Variants in CXXC4 observed in about 807,000 individuals in gnomAD.
CXXC4 encodes CXXC-type zinc finger protein 4.
CXXC4 carries 5 observed loss-of-function variants against 20.5 expected under a neutral mutation model. The observed-to-expected ratio is 0.24, with a 90% CI of 0.13 to 0.51. The LOEUF (loss-of-function observed/expected upper bound fraction) is 0.51. Among genes scored for constraint, CXXC4 ranks in the 20% least tolerant of loss-of-function variants. The pLI, the probability that CXXC4 is intolerant of heterozygous loss-of-function variation, is 0.97. For missense variants in CXXC4, 419 were observed against 496.4 expected, an observed-to-expected ratio of 0.84 and a Z score of 1.48; for synonymous variants, 250 against 216.4, an observed-to-expected ratio of 1.16 and a Z score of -1.36.
chr4:104,481,858 G>A (rs907941090), intron 2 of CXXC4, among the ~76,000 whole-genome samples: 9 of 152,080 alleles, frequency 5.9e-5, no homozygotes, highest in African/African-American at 1.9e-4. Context: ...GACCTGCCTG[G>A]AATAAGTAAA....
At chr4:104,483,740 A>G (rs1042097898) in intron 2 of CXXC4, among the ~76,000 whole-genome samples, 3 of 151,752 alleles carry the variant, frequency 2.0e-5, no homozygotes, top group South Asian at 2.1e-4. Context: ...TGTGTCTTGG[A>G]AAAAAAAGTC....
At chr4:104,481,065 G>C (rs1019832411) in intron 2 of CXXC4, among the ~76,000 whole-genome samples, 2 of 152,144 alleles carry the variant, frequency 1.3e-5, no homozygotes, top group African/African-American at 4.8e-5. Flanking sequence ...TAGCAAGGCA[G>C]AGATCATATT....
chr4:104,486,476 A>G (rs2110277083), intron 2 of CXXC4, among the ~76,000 whole-genome samples: 1 of 152,100 alleles, frequency 6.6e-6, no homozygotes, highest in South Asian at 2.1e-4. Flanking sequence ...CATTATTTAT[A>G]TGTTACATTC....
Position 104,469,698 on chromosome 4 carries a change from T to G in CXXC4, c.*2624A>C, listed in dbSNP as rs910465779. On this transcript the variant is annotated 3_prime_UTR_variant, in exon 3 of 3. Coordinates refer to ENST00000394767, the MANE Select transcript of CXXC4 (RefSeq NM_025212.4). The stretch of plus-strand genomic sequence containing the variant: ...CAACATCACCAATGAGAACTTTATA[T>G]GCATCCTACATTATATAAATGGAGT... 1 of 152,046 alleles carries G rather than the reference T, an allele frequency of 6.6e-6. No homozygotes were observed. Among genetic ancestry groups the G allele is most frequent in the Non-Finnish European group, 1.5e-5 (1 of 67,966 alleles). 9.4% of individuals were successfully genotyped at this position (152,046 alleles called of 1,614,324 possible).
intron 1 of CXXC4, among the ~76,000 whole-genome samples, chr4:104,493,395 C>G (rs961556326): frequency 1.3e-5 from 2 of 151,964 alleles, no homozygotes; most frequent in Non-Finnish European, 2.9e-5. Flanking sequence ...CATGGGGGCC[C>G]AATAGTCTCC....
intron 2 of CXXC4, among the ~76,000 whole-genome samples, chr4:104,480,784 C>T (rs181556997): frequency 6.6e-6 from 1 of 152,062 alleles, no homozygotes; most frequent in East Asian, 1.9e-4. Flanking sequence ...TTCTGATTTC[C>T]CTTAAACAGT....
intron 2 of CXXC4, among the ~76,000 whole-genome samples, chr4:104,483,552 A>G (rs567816969): frequency 6.6e-6 from 1 of 152,090 alleles, no homozygotes; most frequent in East Asian, 1.9e-4. Flanking sequence ...TTAGGTAAAA[A>G]TGCATATCTA....
chr4:104,493,764 G>A (rs1736968826), intron 1 of CXXC4, among the ~76,000 whole-genome samples: 1 of 152,188 alleles, frequency 6.6e-6, no homozygotes, highest in Admixed American at 6.5e-5. Flanking sequence ...TTGATGCTTG[G>A]AAGGGGTGAG....
At chr4:104,482,672 T>C (rs1042688730) in intron 2 of CXXC4, among the ~76,000 whole-genome samples, 2 of 152,144 alleles carry the variant, frequency 1.3e-5, no homozygotes, top group Non-Finnish European at 2.9e-5. Context: ...TAAATTTATA[T>C]GGTCTTCTGT....
rs942870012 is a variant in CXXC4, at chr4:104,471,525, C to G, written c.*797G>C. On this transcript the variant is annotated 3_prime_UTR_variant, in exon 3 of 3. Transcript: ENST00000394767. ...TACAGTGCAACCCAAGACAAGTCAA[C>G]TACACTAAGTATTTGGGAGGTATAC... The G allele has an allele frequency of 6.6e-6, 1 of 152,054 alleles. No homozygotes were observed. Among genetic ancestry groups the G allele is most frequent in the African/African-American group, 2.4e-5 (1 of 41,436 alleles). 9.4% of individuals were successfully genotyped at this position (152,054 alleles called of 1,614,324 possible).
At chr4:104,481,628 C>A (rs962664688) in intron 2 of CXXC4, among the ~76,000 whole-genome samples, 1 of 151,822 alleles carries the variant, frequency 6.6e-6, no homozygotes, top group African/African-American at 2.4e-5. Context: ...GTAAAAAGAG[C>A]AGGAATAAAG....
At chr4:104,486,896 C>A (rs554440159) in intron 2 of CXXC4, among the ~76,000 whole-genome samples, 1 of 152,272 alleles carries the variant, frequency 6.6e-6, no homozygotes, top group East Asian at 1.9e-4. Context: ...CAGAGTTTTA[C>A]AATTGCCATT....
chr4:104,485,273 T>C (rs1212451896), intron 2 of CXXC4, among the ~76,000 whole-genome samples: 1 of 152,066 alleles, frequency 6.6e-6, no homozygotes, highest in Non-Finnish European at 1.5e-5. Context: ...AGAGAAACTA[T>C]AAAAGAATTA....
chr4:104,480,843 A>C (rs1736539181), intron 2 of CXXC4, among the ~76,000 whole-genome samples: 1 of 149,164 alleles, frequency 6.7e-6, no homozygotes, highest in Non-Finnish European at 1.5e-5. Context: ...CCTTGCCTTT[A>C]TCTTCCCTCC....
chr4:104,492,012 G>A lies in CXXC4; in HGVS notation c.-210C>T, dbSNP rs1224301052. The A allele has an allele frequency of 2.5e-6, 1 of 394,160 alleles. No homozygotes were observed. Among genetic ancestry groups the A allele is most frequent in the East Asian group, 3.8e-5 (1 of 26,656 alleles). The allele number at this position is 394,160 out of a possible 1,614,324, so 24.4% of individuals were successfully genotyped here. A position where few individuals can be genotyped will look rare whatever the true frequency, so the allele number is the denominator to read the frequency against. ...TCTGGGGCTCATTTCCACAGACGGT[G>A]AATTCCCAGGCAGCGTCTTCCTTTG... is the stretch of plus-strand genomic sequence containing the variant. On this transcript the variant is annotated 5_prime_UTR_variant, in exon 2 of 3. Coordinates refer to ENST00000394767, the MANE Select transcript of CXXC4 (RefSeq NM_025212.4).
In CXXC4 at chr4:104,491,818, G is replaced by A. The variant is rs1253537269; in HGVS notation, c.-16C>T. The A allele has an allele frequency of 2.2e-6, 3 of 1,340,420 alleles. No homozygotes were observed. Among genetic ancestry groups the A allele is most frequent in the Non-Finnish European group, 2.9e-6 (3 of 1,028,690 alleles). 83.0% of individuals were successfully genotyped at this position (1,340,420 alleles called of 1,614,324 possible). A position where few individuals can be genotyped will look rare whatever the true frequency, so the allele number is the denominator to read the frequency against. On this transcript the variant is annotated 5_prime_UTR_variant, in exon 2 of 3. Coordinates refer to ENST00000394767, the MANE Select transcript of CXXC4 (RefSeq NM_025212.4). ...TGGTGTTCATGGTGCAGGGGGGGAAGAAGGGGTGCAGGGTGGAAGTGGGGA... is the reference window on the plus strand; with the variant it reads ...TGGTGTTCATGGTGCAGGGGGGGAAAAAGGGGTGCAGGGTGGAAGTGGGGA...
chr4:104,492,201 A>ACCCCCCCCCCCCCCCCCCCCCCCCCC (rs1162003749), intron 1 of CXXC4, 142 bp from the exon 2 acceptor site: 1 of 109,504 alleles, frequency 9.1e-6, no homozygotes, highest in Non-Finnish European at 1.9e-5. Context: ...TCAAGACGTG[A>ACCCCCCCCCCCCCCCCCCCCCCCCCC]CCCCCCCCAG....
Position 104,491,957 on chromosome 4 carries a change from GA to G in CXXC4, c.-156del. ...GGTGGGGAAAGTGGGTTCGGGTGGG[GA>G]GAGCAAGGTGAGGGCTGCTTTATTC... On this transcript the variant is annotated 5_prime_UTR_variant, in exon 2 of 3. Transcript: ENST00000394767. 2.4e-6 allele frequency: 1 copy of G among 416,330 alleles called. No homozygotes were observed. The highest frequency in any genetic ancestry group is 5.7e-5 in the South Asian group (1 of 17,464). 25.8% of individuals were successfully genotyped at this position (416,330 alleles called of 1,614,324 possible).
At chr4:104,482,528 C>T (rs1256148974) in intron 2 of CXXC4, among the ~76,000 whole-genome samples, 1 of 152,098 alleles carries the variant, frequency 6.6e-6, no homozygotes, top group Non-Finnish European at 1.5e-5. Context: ...CTTATCTTCA[C>T]TTAACATTAA....
Sources: gnomAD v4.1 joint callset for allele counts (sites outside exome capture counted in the v4.1 genomes callset) on GRCh38, gnomAD v4.1.1 for gene constraint, MANE v1.5 for transcripts, NCBI Gene and HGNC (gene_info 2026-07-23, HGNC 2026-07-21) for gene names.